SNX27: variants seen among roughly 807,000 people sequenced by gnomAD.
The protein encoded by SNX27 is sorting nexin 27.
A neutral mutation model predicts 71.6 loss-of-function variants in SNX27; 22 were observed. That is an observed-to-expected ratio of 0.31 (90% CI 0.22 to 0.44). The LOEUF (loss-of-function observed/expected upper bound fraction) is 0.44. Among genes scored for constraint, SNX27 ranks in the 20% least tolerant of loss-of-function variants. The probability of loss-of-function intolerance (pLI) is 1.00; values close to 1 mark genes in which losing one functional copy is unlikely to be tolerated. For synonymous variants in SNX27, 269 were observed against 277.2 expected (o/e 0.97, Z 0.29); for missense variants, 531 against 698.6 (o/e 0.76, Z 2.70).
Position 151,696,362 on chromosome 1 carries a change from C to T in SNX27, c.*1945C>T, listed in dbSNP as rs1671705091. 1 of 152,232 alleles carries T rather than the reference C, an allele frequency of 6.6e-6. No homozygotes were observed. Among genetic ancestry groups the T allele is most frequent in the Non-Finnish European group, 1.5e-5 (1 of 68,040 alleles). The allele number at this position is 152,232 out of a possible 1,614,324, so 9.4% of individuals were successfully genotyped here. A position where few individuals can be genotyped will look rare whatever the true frequency, so the allele number is the denominator to read the frequency against. On this transcript the variant is annotated 3_prime_UTR_variant, in exon 12 of 12. Transcript: ENST00000458013. The stretch of plus-strand genomic sequence containing the variant: ...GGCATCTTTTGCTCTAACTGGGAGA[C>T]AGTCATAATTGGTTGTAGTCAATTC...
chr1:151,674,325 G>A (rs907889332), intron 7 of SNX27, among the ~76,000 whole-genome samples: 2 of 152,086 alleles, frequency 1.3e-5, no homozygotes, highest in Non-Finnish European at 2.9e-5. Context: ...AAAAGAAAAC[G>A]AATAAAGGCT....
intron 2 of SNX27, among the ~76,000 whole-genome samples, chr1:151,641,445 T>C (rs1182803440): frequency 1.3e-5 from 2 of 151,720 alleles, no homozygotes; most frequent in African/African-American, 4.8e-5. Flanking sequence ...TGACTCATGA[T>C]GATGAGCTGC....
chr1:151,612,542 C>T lies in SNX27; in HGVS notation c.311+30C>T, dbSNP rs759345486. 2 of 1,291,682 alleles carry T rather than the reference C, an allele frequency of 1.5e-6. No homozygotes were observed. The highest frequency in any genetic ancestry group is 2.0e-6 in the Non-Finnish European group (2 of 1,010,020). 80.0% of individuals were successfully genotyped at this position (1,291,682 alleles called of 1,614,324 possible). A position where few individuals can be genotyped will look rare whatever the true frequency, so the allele number is the denominator to read the frequency against. Reference sequence around the variant, plus strand: ...GTATCGGGGCTACCCGCCGCCCCATCCTCCCCGCGCCCCTCCTGCCCCTGC... The same window carrying T: ...GTATCGGGGCTACCCGCCGCCCCATTCTCCCCGCGCCCCTCCTGCCCCTGC... On this transcript the variant is annotated intron_variant, in intron 1 of 11. Coordinates refer to ENST00000458013, the MANE Select transcript of SNX27 (RefSeq NM_001330723.2). The surrounding 1 kb of genome is among the most constrained non-coding windows in gnomAD (Gnocchi z 5.2).
Position 151,696,461 on chromosome 1 carries a change from T to TTTTCTTTCTTTCTTTC in SNX27, c.*2073_*2088dup, listed in dbSNP as rs57979858. The TTTTCTTTCTTTCTTTC allele has an allele frequency of 2.1e-3, 268 of 126,034 alleles. 2 individuals carry two copies. The highest frequency in any genetic ancestry group is 7.6e-3 in the East Asian group (30 of 3,962). 7.8% of individuals were successfully genotyped at this position (126,034 alleles called of 1,614,324 possible). On this transcript the variant is annotated 3_prime_UTR_variant, in exon 12 of 12. Coordinates refer to ENST00000458013, the MANE Select transcript of SNX27 (RefSeq NM_001330723.2). ...TTTTGCAAATCATTGTGAGGCCACT[T>TTTTCTTTCTTTCTTTC]TTTCTTTCTTTCTTTCTTTCTTTCT...
chr1:151,684,690 C>T (rs1289343528), intron 8 of SNX27, among the ~76,000 whole-genome samples: 2 of 152,302 alleles, frequency 1.3e-5, no homozygotes, highest in South Asian at 2.1e-4. Flanking sequence ...GCATTTAATA[C>T]ACCTAACCTA....
intron 1 of SNX27, among the ~76,000 whole-genome samples, chr1:151,637,403 C>T (rs1668517319): frequency 6.6e-6 from 1 of 152,116 alleles, no homozygotes; most frequent in African/African-American, 2.4e-5. Flanking sequence ...AGGTCTTGAT[C>T]TCCTGACCTT....
At chr1:151,685,066 C>T (rs1451388950) in intron 8 of SNX27, among the ~76,000 whole-genome samples, 1 of 152,022 alleles carries the variant, frequency 6.6e-6, no homozygotes, top group African/African-American at 2.4e-5. Context: ...GCCTCAGCCT[C>T]CCAAAGTGCT....
rs189859280 is a variant in SNX27, at chr1:151,612,774, C to G, written c.311+262C>G. On this transcript the variant is annotated intron_variant, in intron 1 of 11. Transcript: ENST00000458013. This position sits in a 1 kb window ranked among gnomAD's most constrained non-coding sequence, Gnocchi z 5.2. ...CGCCCCCAGTGCTCCTCCCTGTGCC[C>G]CGATTACTCTGGGCTCTTCTCCGCC... is the stretch of plus-strand genomic sequence containing the variant. Among the ~76,000 whole-genome samples, 134 of 152,266 alleles carry G rather than the reference C, an allele frequency of 8.8e-4. No homozygotes were observed. The highest frequency in any genetic ancestry group is 3.0e-3 in the African/African-American group (125 of 41,558).
intron 1 of SNX27, chr1:151,615,707 A>G: frequency 1.0e-6 from 1 of 984,060 alleles, no homozygotes; most frequent in Non-Finnish European, 1.2e-6. Flanking sequence ...GATAATTGCT[A>G]TTTAAGACTT....
At chr1:151,669,273 G>T (rs978402252) in intron 7 of SNX27, 3 of 151,984 alleles carry the variant, frequency 2.0e-5, no homozygotes, top group African/African-American at 7.2e-5. Flanking sequence ...TATAATATTT[G>T]TAAGGTCAAT....
At chr1:151,626,099 A>G (rs908099381) in intron 1 of SNX27, among the ~76,000 whole-genome samples, 2 of 152,122 alleles carry the variant, frequency 1.3e-5, no homozygotes, top group African/African-American at 2.4e-5. Flanking sequence ...ACTGCACTCC[A>G]CCCTGGGCGA....
chr1:151,670,728 G>A (rs1389750827), intron 7 of SNX27, among the ~76,000 whole-genome samples: 1 of 152,016 alleles, frequency 6.6e-6, no homozygotes, highest in Non-Finnish European at 1.5e-5. Context: ...CTCCCATTCT[G>A]TGAGTTGCTT....
chr1:151,637,153 G>GTTTTTTTTTTT (rs200938062), intron 1 of SNX27, among the ~76,000 whole-genome samples: 4 of 64,080 alleles, frequency 6.2e-5, no homozygotes, highest in African/African-American at 9.9e-5. Flanking sequence ...AGTTGATCAC[G>GTTTTTTTTTTT]TTTTTTTTGT....
chr1:151,682,725 A>C (rs1242229403), intron 7 of SNX27, among the ~76,000 whole-genome samples: 1 of 152,114 alleles, frequency 6.6e-6, no homozygotes, highest in African/African-American at 2.4e-5. Flanking sequence ...TGCAGGGGGA[A>C]CTGCTGTTTT....
At chr1:151,668,439 A>T in intron 6 of SNX27, 33 bp from the exon 7 acceptor site, 1 of 1,587,152 alleles carries the variant, frequency 6.3e-7, no homozygotes, top group South Asian at 1.2e-5. Context: ...ATATCTTTTC[A>T]CTCCAGCTTT....
intron 1 of SNX27, among the ~76,000 whole-genome samples, chr1:151,615,446 T>G (rs1030293242): frequency 6.6e-6 from 1 of 152,062 alleles, no homozygotes; most frequent in Non-Finnish European, 1.5e-5. Flanking sequence ...ATAGATGTGG[T>G]TCTTGAGGGA....
At chr1:151,641,163 A>G (rs1668701319) in intron 2 of SNX27, among the ~76,000 whole-genome samples, 1 of 152,208 alleles carries the variant, frequency 6.6e-6, no homozygotes, top group Non-Finnish European at 1.5e-5. Flanking sequence ...CTGCCATGAA[A>G]TAATATTAAA....
chr1:151,692,832 T>C (rs1671519701), intron 9 of SNX27, 79 bp from the exon 10 acceptor site: 1 of 1,582,600 alleles, frequency 6.3e-7, no homozygotes, highest in Non-Finnish European at 8.6e-7. Context: ...TTCTGTCTCC[T>C]GGTTCAGAAC....
chr1:151,622,167 A>T (rs1241183357), intron 1 of SNX27, among the ~76,000 whole-genome samples: 1 of 152,204 alleles, frequency 6.6e-6, no homozygotes, highest in Admixed American at 6.5e-5. Flanking sequence ...GGATTAAAAG[A>T]TGGTATTTGA....
Sources: gnomAD v4.1 joint callset for allele counts (sites outside exome capture counted in the v4.1 genomes callset) on GRCh38, gnomAD v4.1.1 for gene constraint, Gnocchi (gnomAD v3.1) non-coding constraint, MANE v1.5 for transcripts, NCBI Gene and HGNC (gene_info 2026-07-23, HGNC 2026-07-21) for gene names.